BAZ2B: variants seen among roughly 807,000 people sequenced by gnomAD.
BAZ2B encodes bromodomain adjacent to zinc finger domain 2B.
In BAZ2B, 91 loss-of-function variants were observed where a neutral mutation model predicts 246.0. The observed-to-expected ratio is 0.37, with a 90% CI of 0.31 to 0.44. BAZ2B has a LOEUF of 0.44. Ranked by LOEUF, BAZ2B falls within the 20% of genes least tolerant of loss-of-function variation. The pLI is 1.00. For missense variants in BAZ2B, 2,332 were observed against 2,533.7 expected, an observed-to-expected ratio of 0.92 and a Z score of 1.71; for synonymous variants, 855 against 860.0, an observed-to-expected ratio of 0.99 and a Z score of 0.10.
At chr2:159,580,613 T>C (rs1015351427) in intron 1 of BAZ2B, among the ~76,000 whole-genome samples, 13 of 152,092 alleles carry the variant, frequency 8.5e-5, no homozygotes, top group Non-Finnish European at 1.6e-4. Flanking sequence ...GCCAAGACAA[T>C]CCTAAGCCAA....
At chr2:159,655,660 TG>T in the BAZ2B span, among the ~76,000 whole-genome samples, 1 of 152,214 alleles carries the variant, frequency 6.6e-6, no homozygotes, top group African/African-American at 2.4e-5. Context: ...GACATTGCAT[TG>T]GATAATTTCT....
the BAZ2B span, among the ~76,000 whole-genome samples, chr2:159,669,053 G>T: frequency 7.9e-6 from 1 of 125,864 alleles, no homozygotes; most frequent in African/African-American, 3.2e-5. Flanking sequence ...AAGAGACTCC[G>T]TCTCAAAAAA....
intron 3 of BAZ2B, among the ~76,000 whole-genome samples, chr2:159,467,303 C>T (rs538743623): frequency 3.3e-5 from 5 of 152,262 alleles, no homozygotes; most frequent in East Asian, 1.9e-4. Flanking sequence ...TAATGACTCA[C>T]AAAACTCAAA....
chr2:159,416,045 A>G (rs187636572), intron 13 of BAZ2B, among the ~76,000 whole-genome samples: 36 of 152,272 alleles, frequency 2.4e-4, no homozygotes, highest in Middle Eastern at 3.4e-3. Flanking sequence ...CCTGACCACT[A>G]TGGGTACTTG....
chr2:159,617,200 T>A (rs1696188123), upstream of BAZ2B: 1 of 152,188 alleles, frequency 6.6e-6, no homozygotes, highest in Non-Finnish European at 1.5e-5. Context: ...TGAACACTTT[T>A]TAAAAATCAA....
intron 2 of BAZ2B, among the ~76,000 whole-genome samples, chr2:159,491,720 C>CAAAAAAATAAAAAA (rs1491497644): frequency 4.1e-4 from 12 of 29,558 alleles, no homozygotes; most frequent in Admixed American, 8.7e-4. Context: ...GACTCCGTCT[C>CAAAAAAATAAAAAA]AAAAAAAAAA....
chr2:159,457,899 C>T (rs2075971183), intron 3 of BAZ2B, among the ~76,000 whole-genome samples: 1 of 152,150 alleles, frequency 6.6e-6, no homozygotes, highest in African/African-American at 2.4e-5. Flanking sequence ...CCCCAAGCCT[C>T]CCTTCCACTT....
At chr2:159,363,587 TAAAG>T (rs1274219825) in intron 27 of BAZ2B, among the ~76,000 whole-genome samples, 2 of 152,028 alleles carry the variant, frequency 1.3e-5, no homozygotes, top group Non-Finnish European at 2.9e-5. Flanking sequence ...GCCCAAAATA[TAAAG>T]AAAGAAGGAA....
At chr2:159,483,708 G>C (rs2079506506) in intron 2 of BAZ2B, among the ~76,000 whole-genome samples, 1 of 152,152 alleles carries the variant, frequency 6.6e-6, no homozygotes, top group Non-Finnish European at 1.5e-5. Flanking sequence ...TGGAACTCAA[G>C]AGGTGGATAT....
rs535685489 is a variant in BAZ2B at position 159,581,152 on chromosome 2, T to G, written c.-45-25287A>C. Among the ~76,000 whole-genome samples, 39 of 151,962 alleles carry G rather than the reference T, an allele frequency of 2.6e-4. No individual in the cohort carries two copies. In the East Asian group the frequency reaches 4.3e-3, roughly 17 times the overall value. On this transcript the variant is annotated intron_variant, in intron 1 of 36. Transcript: ENST00000392783. ...GGCAACCTACAGAATGGGAGAAAAT[T>G]TTTACGATCTACCCATCTGACAAAG...
intron 1 of BAZ2B, among the ~76,000 whole-genome samples, chr2:159,610,125 G>A (rs1453367906): frequency 6.6e-6 from 1 of 152,094 alleles, no homozygotes. Context: ...TAACAGCTCA[G>A]GCAATATGAC....
intron 3 of BAZ2B, among the ~76,000 whole-genome samples, chr2:159,466,883 A>G (rs1465003813): frequency 1.3e-5 from 2 of 152,078 alleles, no homozygotes; most frequent in African/African-American, 4.8e-5. Context: ...GGGGAGGACA[A>G]TGTGCTCTAC....
At chr2:159,487,524 T>C (rs147980480) in intron 2 of BAZ2B, among the ~76,000 whole-genome samples, 183 of 152,274 alleles carry the variant, frequency 1.2e-3, no homozygotes, top group African/African-American at 4.1e-3. Flanking sequence ...TGTTCCCTGG[T>C]CTTTAATTTC....
the BAZ2B span, among the ~76,000 whole-genome samples, chr2:159,642,711 T>A: frequency 1.6e-3 from 249 of 152,330 alleles, 1 homozygote; most frequent in Non-Finnish European, 2.0e-3. Flanking sequence ...AAAAAGAGAA[T>A]TAAAATGTTT....
chr2:159,570,461 G>A (rs1431494641), intron 1 of BAZ2B, among the ~76,000 whole-genome samples: 2 of 152,130 alleles, frequency 1.3e-5, no homozygotes, highest in African/African-American at 2.4e-5. Flanking sequence ...GATTACAGGC[G>A]TAAGCCACTG....
At chr2:159,526,068 A>T (rs964004952) in intron 2 of BAZ2B, among the ~76,000 whole-genome samples, 1 of 152,210 alleles carries the variant, frequency 6.6e-6, no homozygotes, top group African/African-American at 2.4e-5. Flanking sequence ...GGGGATGGAT[A>T]AATATAAAAG....
chr2:159,382,505 T>A, intron 25 of BAZ2B, 54 bp downstream of exon 25: 1 of 1,492,656 alleles, frequency 6.7e-7, no homozygotes, highest in Non-Finnish European at 8.9e-7. Flanking sequence ...ATTCTGTTTT[T>A]AAAAATATGT....
chr2:159,356,867 C>G (rs976479588), intron 27 of BAZ2B, among the ~76,000 whole-genome samples: 2 of 152,170 alleles, frequency 1.3e-5, no homozygotes, highest in Non-Finnish European at 2.9e-5. Flanking sequence ...CAAACTCCAG[C>G]AGACCTGCAG....
At chr2:159,550,992 T>C (rs920549450) in intron 2 of BAZ2B, among the ~76,000 whole-genome samples, 9 of 152,082 alleles carry the variant, frequency 5.9e-5, no homozygotes, top group African/African-American at 2.2e-4. Flanking sequence ...TGAGCCACCA[T>C]GCCTAGCTGA....
Sources: gnomAD v4.1 joint callset for allele counts (sites outside exome capture counted in the v4.1 genomes callset) on GRCh38, gnomAD v4.1.1 for gene constraint, MANE v1.5 for transcripts, NCBI Gene and HGNC (gene_info 2026-07-23, HGNC 2026-07-21) for gene names.